PGS1: variants seen among roughly 807,000 people sequenced by gnomAD.
The protein encoded by PGS1 is CDP-diacylglycerol--glycerol-3-phosphate 3-phosphatidyltransferase, mitochondrial.
A neutral mutation model predicts 58.3 loss-of-function variants in PGS1; 44 were observed. The ratio of observed to expected loss-of-function variants is 0.75; its 90% CI spans 0.59 to 0.97. The LOEUF (loss-of-function observed/expected upper bound fraction) is 0.97. PGS1 is among the 50% of genes least tolerant of loss of function. The probability of loss-of-function intolerance (pLI) is 0.00; values close to 1 mark genes in which losing one functional copy is unlikely to be tolerated. For missense variants in PGS1, 684 were observed against 731.1 expected (o/e 0.94, Z 0.74); for synonymous variants, 330 against 311.0 (o/e 1.06, Z -0.64).
At chr17:78,410,561 C>T (rs188026068) in intron 7 of PGS1, among the ~76,000 whole-genome samples, 2 of 135,194 alleles carry the variant, frequency 1.5e-5, no homozygotes, top group South Asian at 2.6e-4. Context: ...GCAACCTCCG[C>T]CTCCTGGGTT....
At chr17:78,387,858 A>T (rs1366912383) in intron 1 of PGS1, among the ~76,000 whole-genome samples, 1 of 152,026 alleles carries the variant, frequency 6.6e-6, no homozygotes, top group African/African-American at 2.4e-5. Flanking sequence ...TCAGCCTCCT[A>T]AAGCACTGGG....
At chr17:78,417,660 C>T (rs957221423) in intron 8 of PGS1, among the ~76,000 whole-genome samples, 1 of 151,954 alleles carries the variant, frequency 6.6e-6, no homozygotes, top group Non-Finnish European at 1.5e-5. Context: ...CACAGGCCAC[C>T]GCTGCTGCTG....
intron 8 of PGS1, among the ~76,000 whole-genome samples, chr17:78,419,333 G>A (rs1276320232): frequency 6.6e-6 from 1 of 152,222 alleles, no homozygotes; most frequent in African/African-American, 2.4e-5. Context: ...TAGGAACACG[G>A]CTTCTTAGCT....
rs199723688 is a variant in PGS1 at position 78,424,093 on chromosome 17, G to A, written c.*43G>A. On this transcript the variant is annotated 3_prime_UTR_variant, in exon 10 of 10. Transcript: ENST00000262764. ...CTTGATGAAGATGACAGGCATGGCC[G>A]GGGTCAGCTCTTTCAGCCGCGCTTC... The A allele has an allele frequency of 3.0e-4, 491 of 1,613,912 alleles. No homozygotes were observed. Among genetic ancestry groups the A allele is most frequent in the Non-Finnish European group, 3.9e-4 (455 of 1,179,890 alleles).
intron 1 of PGS1, among the ~76,000 whole-genome samples, chr17:78,388,940 C>T (rs8068516): frequency 0.15 from 23,130 of 151,926 alleles, 2,078 homozygotes; most frequent in African/African-American, 0.25. Context: ...CATTTGTACC[C>T]TCCATGGTAT....
chr17:78,399,311 T>C, intron 4 of PGS1, 37 bp from the exon 5 acceptor site: 1 of 1,564,688 alleles, frequency 6.4e-7, no homozygotes, highest in Non-Finnish European at 8.8e-7. Context: ...CGCCTTCCTG[T>C]TGTGAGTCAG....
intron 7 of PGS1, among the ~76,000 whole-genome samples, chr17:78,412,154 G>T (rs1207657551): frequency 6.6e-6 from 1 of 151,966 alleles, no homozygotes; most frequent in Non-Finnish European, 1.5e-5. Flanking sequence ...CTGGGGTGTG[G>T]GCATCTCACA....
chr17:78,418,197 T>A (rs2085369360), intron 8 of PGS1, among the ~76,000 whole-genome samples: 1 of 152,148 alleles, frequency 6.6e-6, no homozygotes, highest in African/African-American at 2.4e-5. Flanking sequence ...CCCAAAGTGC[T>A]GGGATTACAG....
At chr17:78,392,451 C>A in intron 1 of PGS1, 25 bp from the exon 2 acceptor site, 1 of 1,573,002 alleles carries the variant, frequency 6.4e-7, no homozygotes, top group Non-Finnish European at 8.7e-7. Flanking sequence ...TGAGGTGTGA[C>A]CCAGTTGCAT....
At chr17:78,405,792 C>T (rs749175401) in intron 7 of PGS1, among the ~76,000 whole-genome samples, 6 of 152,148 alleles carry the variant, frequency 3.9e-5, no homozygotes, top group Non-Finnish European at 8.8e-5. Flanking sequence ...CTGGCTTCTC[C>T]CTGGGCAGTC....
intron 7 of PGS1, among the ~76,000 whole-genome samples, chr17:78,404,966 C>CT (rs1489623248): frequency 6.7e-6 from 1 of 149,754 alleles, no homozygotes; most frequent in African/African-American, 2.5e-5. Flanking sequence ...GGCCCTTAGC[C>CT]TTGTGTTGAT....
At chr17:78,398,016 G>A in intron 3 of PGS1, 1 of 605,144 alleles carries the variant, frequency 1.7e-6, no homozygotes, top group South Asian at 1.5e-5. Context: ...TCTGCCTGCA[G>A]GTCCCTTTCC....
chr17:78,415,873 A>G (rs1042664980), intron 8 of PGS1, among the ~76,000 whole-genome samples: 2 of 152,310 alleles, frequency 1.3e-5, no homozygotes, highest in South Asian at 2.1e-4. Context: ...ACACTTTTCC[A>G]TGGAAGGCAC....
rs138125128 is a variant in PGS1 at position 78,404,641 on chromosome 17, C to T, written c.1402+552C>T. ...TGTGGTAAAGATGTGGTGACATAACCTCTCCTAAGAGATGGAGAGGAACAT... is the reference window on the plus strand; with the variant it reads ...TGTGGTAAAGATGTGGTGACATAACTTCTCCTAAGAGATGGAGAGGAACAT... On this transcript the variant is annotated intron_variant, in intron 7 of 9. Transcript: ENST00000262764. Among the ~76,000 whole-genome samples, 77 of 152,190 alleles carry T rather than the reference C, an allele frequency of 5.1e-4. No homozygotes were observed. In the East Asian group the frequency reaches 0.014, roughly 27 times the overall value.
At chr17:78,423,700 G>C in intron 9 of PGS1, 1 of 616,700 alleles carries the variant, frequency 1.6e-6, no homozygotes, top group South Asian at 2.0e-5. Context: ...GCACAGCTGA[G>C]TGGCTCCACT....
At chr17:78,415,760 G>T (rs985012890) in intron 8 of PGS1, among the ~76,000 whole-genome samples, 5 of 152,218 alleles carry the variant, frequency 3.3e-5, no homozygotes, top group Admixed American at 6.5e-5. Context: ...TCTATTTGAT[G>T]ACCTGTGACA....
In PGS1 at chr17:78,400,701, C is replaced by T; in HGVS notation, c.726C>T (p.Phe242=). The part of the protein sequence containing the change: ...LSGANLSDSY[F]TNRQDRYVFL... Reference sequence around the variant, plus strand: ...GTGCAAACCTGAGTGACTCCTACTTCACCAACCGCCAGGACCGCTACGTGT... The same window carrying T: ...GTGCAAACCTGAGTGACTCCTACTTTACCAACCGCCAGGACCGCTACGTGT... Residue 242 remains phenylalanine (F), a synonymous_variant, in exon 6 of 10, where the codon TTC becomes TTT. Transcript: ENST00000262764. The surrounding 1 kb of genome is among the most constrained non-coding windows in gnomAD (Gnocchi z 4.4). 1 of 1,613,894 alleles carries T rather than the reference C, an allele frequency of 6.2e-7. No individual in the cohort carries two copies. The highest frequency in any genetic ancestry group is 8.5e-7 in the Non-Finnish European group (1 of 1,179,936).
intron 7 of PGS1, among the ~76,000 whole-genome samples, chr17:78,410,534 C>T (rs1394346209): frequency 8.2e-6 from 1 of 121,794 alleles, no homozygotes; most frequent in Non-Finnish European, 1.6e-5. Context: ...AATGCAGTGG[C>T]GTGGTCTTGG....
chr17:78,394,047 C>T (rs2083027937), intron 2 of PGS1, among the ~76,000 whole-genome samples: 2 of 151,716 alleles, frequency 1.3e-5, no homozygotes, highest in South Asian at 4.2e-4. Context: ...TGGCACACAC[C>T]TGTGGTCCTA....
Sources: allele counts gnomAD v4.1 joint callset (sites outside exome capture counted in the v4.1 genomes callset), GRCh38; gene constraint gnomAD v4.1.1; non-coding constraint Gnocchi (gnomAD v3.1); transcripts MANE v1.5; gene names NCBI Gene and HGNC (gene_info 2026-07-23, HGNC 2026-07-21).